Variants in EYS observed in about 807,000 individuals in gnomAD.
The protein encoded by EYS is EGF-like photoreceptor maintenance factor, also known as protein eyes shut homolog.
A neutral mutation model predicts 282.1 loss-of-function variants in EYS; 250 were observed. The observed-to-expected ratio is 0.89, with a 90% CI of 0.80 to 0.98. The LOEUF is 0.98. EYS is among the 50% of genes least tolerant of loss of function. The pLI, the probability that EYS is intolerant of heterozygous loss-of-function variation, is 0.00. For synonymous variants in EYS, 1,355 were observed against 1,282.9 expected (o/e 1.06, Z -1.20); for missense variants, 4,016 against 3,709.0 (o/e 1.08, Z -2.15).
chr6:64,567,479 T>A (rs1765599727), intron 26 of EYS, among the ~76,000 whole-genome samples: 1 of 152,152 alleles, frequency 6.6e-6, no homozygotes, highest in African/African-American at 2.4e-5. Context: ...AATATAAGAA[T>A]TGTATCCTTT....
At chr6:64,551,533 A>G (rs955796315) in intron 26 of EYS, among the ~76,000 whole-genome samples, 1 of 147,646 alleles carries the variant, frequency 6.8e-6, no homozygotes, top group Admixed American at 6.8e-5. Context: ...AGCCAAGTGC[A>G]TTCTTTTTTT....
intron 14 of EYS, among the ~76,000 whole-genome samples, chr6:64,977,993 T>C (rs9345575): frequency 0.068 from 10,334 of 151,920 alleles, 441 homozygotes; most frequent in East Asian, 0.13. Context: ...CAAGTGACAA[T>C]AGAAGCAGCA....
chr6:65,468,974 C>A (rs1765107431), intron 5 of EYS, among the ~76,000 whole-genome samples: 1 of 151,928 alleles, frequency 6.6e-6, no homozygotes, highest in African/African-American at 2.4e-5. Flanking sequence ...TTCTTTACTT[C>A]TTTGATCTAA....
chr6:64,898,549 G>A (rs987755315), intron 18 of EYS, among the ~76,000 whole-genome samples: 1 of 151,652 alleles, frequency 6.6e-6, no homozygotes, highest in Non-Finnish European at 1.5e-5. Flanking sequence ...ATCAACTAAT[G>A]GGCAAAATAA....
intron 26 of EYS, among the ~76,000 whole-genome samples, chr6:64,513,857 G>T (rs1317275919): frequency 6.6e-6 from 1 of 151,728 alleles, no homozygotes; most frequent in Non-Finnish European, 1.5e-5. Flanking sequence ...GATCTAATGA[G>T]AAAGACTATA....
chr6:64,106,165 A>C (rs931245249), intron 31 of EYS, among the ~76,000 whole-genome samples: 4 of 152,030 alleles, frequency 2.6e-5, no homozygotes, highest in Non-Finnish European at 5.9e-5. Context: ...TTGTGGTTTT[A>C]ATGGAGTATT....
intron 31 of EYS, among the ~76,000 whole-genome samples, chr6:64,104,341 G>T (rs1772931787): frequency 6.6e-6 from 1 of 152,080 alleles, no homozygotes; most frequent in African/African-American, 2.4e-5. Flanking sequence ...GGATTAGCTG[G>T]TAGTAGGAAG....
At chr6:64,831,446 G>A (rs1765213799) in intron 19 of EYS, among the ~76,000 whole-genome samples, 1 of 151,880 alleles carries the variant, frequency 6.6e-6, no homozygotes, top group Non-Finnish European at 1.5e-5. Flanking sequence ...GCTCTCCAAG[G>A]AACTTTTACT....
chr6:65,702,204 TC>T (rs1769703480), intron 1 of EYS, among the ~76,000 whole-genome samples: 1 of 138,408 alleles, frequency 7.2e-6, no homozygotes, highest in African/African-American at 3.4e-5. Flanking sequence ...AATAAAAGAA[TC>T]TTTTTTTCTC....
At chr6:65,434,747 G>T (rs1172454364) in intron 5 of EYS, among the ~76,000 whole-genome samples, 2 of 152,128 alleles carry the variant, frequency 1.3e-5, no homozygotes, top group East Asian at 1.9e-4. Context: ...TTTAATGCTA[G>T]AAACATTGAC....
In EYS at chr6:64,151,317, TTATATATA is replaced by T. The variant is rs61575285; in HGVS notation, c.6425-69323_6425-69316del. On this transcript the variant is annotated intron_variant, in intron 31 of 42. Transcript: ENST00000503581. ...TTTTCACACGTGTGTGTGTGTATAT[TTATATATA>T]TATATATATATATATATATATATAT... Among the ~76,000 whole-genome samples, 415 of 52,418 alleles carry T rather than the reference TTATATATA, an allele frequency of 7.9e-3. 2 individuals carry two copies. The highest frequency in any genetic ancestry group is 0.019 in the South Asian group (28 of 1,460). The allele number at this position is 52,418 out of a possible 152,430, so 34.4% of individuals were successfully genotyped here. A position where few individuals can be genotyped will look rare whatever the true frequency, so the allele number is the denominator to read the frequency against.
intron 12 of EYS, among the ~76,000 whole-genome samples, chr6:65,252,022 GT>G (rs1767338573): frequency 6.6e-6 from 1 of 151,986 alleles, no homozygotes; most frequent in Non-Finnish European, 1.5e-5. Flanking sequence ...GTTTGCTACA[GT>G]CATTTTTCCA....
chr6:63,974,792 A>G (rs1582062144), intron 35 of EYS, among the ~76,000 whole-genome samples: 2 of 152,138 alleles, frequency 1.3e-5, no homozygotes, highest in African/African-American at 4.8e-5. Context: ...CTTTAATACA[A>G]CACTTATTTG....
chr6:64,286,518 T>C (rs1195662343), intron 30 of EYS, among the ~76,000 whole-genome samples: 2 of 152,202 alleles, frequency 1.3e-5, no homozygotes, highest in Non-Finnish European at 2.9e-5. Flanking sequence ...AAGGCAGTGA[T>C]ATCCTTAAAA....
At position 65,614,036 on chromosome 6, in the gene EYS, TTTAA is replaced by T. The variant is rs1766097016; in HGVS notation, c.-333+25738_-333+25741del. On this transcript the variant is annotated intron_variant, in intron 2 of 42. Coordinates refer to ENST00000503581, the MANE Select transcript of EYS (RefSeq NM_001142800.2). ...CATGGTGTCCATGATTAGTACAAAATTTAATTATTCACAAAGTGCCAGGCACATG... is the reference window on the plus strand; with the variant it reads ...CATGGTGTCCATGATTAGTACAAAATTTATTCACAAAGTGCCAGGCACATG... Among the ~76,000 whole-genome samples the T allele has an allele frequency of 4.6e-5, 7 of 152,140 alleles. 1 individual carries two copies. In the South Asian group the frequency reaches 1.4e-3, roughly 31 times the overall value.
intron 13 of EYS, among the ~76,000 whole-genome samples, chr6:65,020,501 C>T (rs1378747653): frequency 6.6e-6 from 1 of 152,228 alleles, no homozygotes. Flanking sequence ...AGCTCTGTCC[C>T]TGTGGTTTTG....
chr6:64,371,147 T>C (rs1164501893), intron 29 of EYS, among the ~76,000 whole-genome samples: 1 of 151,996 alleles, frequency 6.6e-6, no homozygotes, highest in Non-Finnish European at 1.5e-5. Context: ...TTGATGTAAG[T>C]GTTTAGTGCT....
intron 28 of EYS, among the ~76,000 whole-genome samples, chr6:64,395,696 G>T (rs1307179931): frequency 2.0e-5 from 3 of 151,266 alleles, no homozygotes; most frequent in South Asian, 4.2e-4. Context: ...TGAGGAGTTA[G>T]TGGGTGCAGC....
intron 5 of EYS, among the ~76,000 whole-genome samples, chr6:65,478,436 C>A (rs1289487058): frequency 6.6e-6 from 1 of 151,970 alleles, no homozygotes; most frequent in East Asian, 1.9e-4. Context: ...ACAAAAGTAG[C>A]AAAAGCTAAA....
Sources: allele counts gnomAD v4.1 joint callset (sites outside exome capture counted in the v4.1 genomes callset), GRCh38; gene constraint gnomAD v4.1.1; transcripts MANE v1.5; gene names NCBI Gene and HGNC (gene_info 2026-07-23, HGNC 2026-07-21).